DDX6: variants seen among roughly 807,000 people sequenced by gnomAD.
The protein encoded by DDX6 is probable ATP-dependent RNA helicase DDX6.
In DDX6, 7 loss-of-function variants were observed where a neutral mutation model predicts 60.6. That is an observed-to-expected ratio of 0.12 (90% CI 0.07 to 0.22). The LOEUF is 0.22. Among genes scored for constraint, DDX6 ranks in the 10% least tolerant of loss-of-function variants. The pLI is 1.00. For missense variants in DDX6, 270 were observed against 589.9 expected (o/e 0.46, Z 5.62); for synonymous variants, 207 against 201.0 (o/e 1.03, Z -0.25).
intron 2 of DDX6, among the ~76,000 whole-genome samples, chr11:118,783,681 A>T (rs1184858737): frequency 1.3e-5 from 2 of 151,886 alleles, no homozygotes; most frequent in African/African-American, 4.8e-5. Flanking sequence ...GGACACCTGT[A>T]ATCCCAGCTA....
intron 6 of DDX6, among the ~76,000 whole-genome samples, chr11:118,763,662 T>C (rs1463376223): frequency 1.3e-5 from 2 of 151,842 alleles, no homozygotes; most frequent in East Asian, 1.9e-4. Flanking sequence ...GGTGAAACCC[T>C]GTCTCTACTA....
At chr11:118,771,297 TC>T (rs60360194) in intron 4 of DDX6, among the ~76,000 whole-genome samples, 60,127 of 152,030 alleles carry the variant, frequency 0.4, 12,312 homozygotes, top group Admixed American at 0.52. Context: ...GGTATCCTAA[TC>T]CCCCTTTTCA....
At chr11:118,755,358 C>CA in intron 12 of DDX6, 44 bp downstream of exon 12, 1 of 1,286,466 alleles carries the variant, frequency 7.8e-7, no homozygotes, top group East Asian at 2.3e-5. Flanking sequence ...TTACACGCCT[C>CA]AAAAAAGAAC....
At chr11:118,770,112 C>T (rs1160761743) in intron 4 of DDX6, among the ~76,000 whole-genome samples, 3 of 151,680 alleles carry the variant, frequency 2.0e-5, no homozygotes, top group African/African-American at 7.3e-5. Context: ...CTGCAACTTT[C>T]GCCTCCTGGT....
rs199554648 is a variant in DDX6, at chr11:118,751,226, A to T, written c.*879T>A. The stretch of plus-strand genomic sequence containing the variant: ...CAAGTGCCATACTACTACTGGAGGC[A>T]TATGTAACCCAGTCTTTAGTGTCTG... On this transcript the variant is annotated 3_prime_UTR_variant, in exon 14 of 14. Coordinates refer to ENST00000534980, the MANE Select transcript of DDX6 (RefSeq NM_004397.6). 2 of 152,362 alleles carry T rather than the reference A, an allele frequency of 1.3e-5. No individual in the cohort carries two copies. The highest frequency in any genetic ancestry group is 3.8e-4 in the East Asian group (2 of 5,196). The allele number at this position is 152,362 out of a possible 1,614,324, so 9.4% of individuals were successfully genotyped here.
chr11:118,773,592 A>G (rs1861606226), intron 4 of DDX6, among the ~76,000 whole-genome samples: 1 of 151,990 alleles, frequency 6.6e-6, no homozygotes, highest in Admixed American at 6.6e-5. Context: ...AAAACAAAAC[A>G]AAAAAACAAC....
At chr11:118,779,424 C>T (rs561498742) in intron 4 of DDX6, among the ~76,000 whole-genome samples, 40 of 151,998 alleles carry the variant, frequency 2.6e-4, no homozygotes, top group Admixed American at 5.9e-4. Flanking sequence ...ACTGTGGTTA[C>T]GTAAGAGAAT....
rs574025116 is a variant in DDX6, at chr11:118,757,153, T to C, written c.1110+18A>G. 4 of 1,244,930 alleles carry C rather than the reference T, an allele frequency of 3.2e-6. No individual in the cohort carries two copies. The East Asian group carries it at 7.7e-5, about 24-fold the overall frequency. The allele number at this position is 1,244,930 out of a possible 1,614,324, so 77.1% of individuals were successfully genotyped here. A position where few individuals can be genotyped will look rare whatever the true frequency, so the allele number is the denominator to read the frequency against. ...AGATTTCTTATTAAATTTGTGCAAG[T>C]TCTAGTTTTATACTCACCTGCCTCA... On this transcript the variant is annotated intron_variant, in intron 10 of 13. Transcript: ENST00000534980.
chr11:118,752,900 G>C (rs1357623702), intron 13 of DDX6, among the ~76,000 whole-genome samples: 2 of 152,064 alleles, frequency 1.3e-5, no homozygotes, highest in African/African-American at 4.8e-5. Flanking sequence ...ACCAGCCGGG[G>C]CAACATAGTG....
intron 4 of DDX6, among the ~76,000 whole-genome samples, chr11:118,772,956 T>C (rs1348961812): frequency 2.6e-5 from 4 of 152,198 alleles, no homozygotes; most frequent in Non-Finnish European, 4.4e-5. Context: ...GAATCTAAAT[T>C]GTTATAGTGC....
intron 5 of DDX6, among the ~76,000 whole-genome samples, chr11:118,766,744 A>AT (rs1367085215): frequency 2.0e-5 from 3 of 149,240 alleles, no homozygotes; most frequent in Admixed American, 6.7e-5. Context: ...CACCCAGCTA[A>AT]TTTTTTGTAT....
chr11:118,757,770 T>C (rs936810327), intron 9 of DDX6, among the ~76,000 whole-genome samples: 4 of 152,086 alleles, frequency 2.6e-5, no homozygotes, highest in Non-Finnish European at 5.9e-5. Flanking sequence ...TTTGTATTTT[T>C]AGTAGAGACA....
chr11:118,765,364 G>C lies in DDX6; in HGVS notation c.500-9C>G. 1 of 1,613,748 alleles carries C rather than the reference G, an allele frequency of 6.2e-7. No individual in the cohort carries two copies. The highest frequency in any genetic ancestry group is 8.5e-7 in the Non-Finnish European group (1 of 1,179,752). ...GGGAACAATCACCATTGCTGAAACA[G>C]TATCAAGGAATATATAAGAAAATAT... On this transcript the variant is annotated splice_polypyrimidine_tract_variant and intron_variant, in intron 5 of 13. Coordinates refer to ENST00000534980, the MANE Select transcript of DDX6 (RefSeq NM_004397.6).
chr11:118,767,989 C>T, intron 5 of DDX6: 2 of 396,904 alleles, frequency 5.0e-6, no homozygotes, highest in Non-Finnish European at 9.0e-6. Context: ...CACTGGAATG[C>T]TGTCACAAGT....
intron 2 of DDX6, among the ~76,000 whole-genome samples, chr11:118,782,756 T>C (rs551855136): frequency 1.3e-5 from 2 of 152,068 alleles, no homozygotes; most frequent in Non-Finnish European, 2.9e-5. Flanking sequence ...GCAATTCTCC[T>C]GCCTCAGCCT....
chr11:118,779,493 T>C, intron 4 of DDX6, 139 bp downstream of exon 4: 1 of 563,970 alleles, frequency 1.8e-6, no homozygotes, highest in South Asian at 2.7e-5. Flanking sequence ...TTTTCTAATT[T>C]ACCCTTAAAA....
intron 4 of DDX6, 146 bp downstream of exon 4, chr11:118,779,486 T>C (rs1565576400): frequency 3.6e-6 from 2 of 556,678 alleles, no homozygotes; most frequent in South Asian, 2.7e-5. Context: ...GCCATGATTT[T>C]CTAATTTACC....
At chr11:118,768,082 TA>T (rs1189068418) in intron 5 of DDX6, 140 bp downstream of exon 5, 3 of 841,484 alleles carry the variant, frequency 3.6e-6, no homozygotes, top group East Asian at 2.8e-5. Context: ...ATCATCAGGC[TA>T]AAAAAAGAAA....
At chr11:118,756,749 C>G (rs1860991652) in intron 10 of DDX6, among the ~76,000 whole-genome samples, 1 of 152,170 alleles carries the variant, frequency 6.6e-6, no homozygotes, top group African/African-American at 2.4e-5. Context: ...AATACACTAT[C>G]CAGTAGCAAC....
Sources: allele counts gnomAD v4.1 joint callset (sites outside exome capture counted in the v4.1 genomes callset), GRCh38; gene constraint gnomAD v4.1.1; transcripts MANE v1.5; gene names NCBI Gene and HGNC (gene_info 2026-07-23, HGNC 2026-07-21).